NRG1: variants seen among roughly 807,000 people sequenced by gnomAD.
The protein encoded by NRG1 is neuregulin 1.
In NRG1, 18 loss-of-function variants were observed where a neutral mutation model predicts 63.8. That is an observed-to-expected ratio of 0.28 (90% CI 0.19 to 0.42). NRG1 has a LOEUF of 0.42. Among genes scored for constraint, NRG1 ranks in the 10% least tolerant of loss-of-function variants. NRG1 has a pLI of 1.00. For missense variants in NRG1, 762 were observed against 814.7 expected, an observed-to-expected ratio of 0.94 and a Z score of 0.79; for synonymous variants, 302 against 301.3, an observed-to-expected ratio of 1.00 and a Z score of -0.02.
chr8:32,616,080 T>C (rs188808383), intron 4 of NRG1, among the ~76,000 whole-genome samples: 146 of 152,254 alleles, frequency 9.6e-4, no homozygotes, highest in African/African-American at 3.3e-3. Flanking sequence ...TTCTGGCTGT[T>C]GACTTTCAAT....
At chr8:32,228,545 T>A (rs555631291) in intron 1 of NRG1, among the ~76,000 whole-genome samples, 1 of 152,272 alleles carries the variant, frequency 6.6e-6, no homozygotes, top group South Asian at 2.1e-4. Flanking sequence ...CATTTATTAG[T>A]TTTTTAATTT....
chr8:32,174,052 A>G (rs1024228854), intron 1 of NRG1, among the ~76,000 whole-genome samples: 16 of 152,208 alleles, frequency 1.1e-4, no homozygotes, highest in Admixed American at 3.9e-4. Flanking sequence ...TCTCAGCACC[A>G]CACCACACCT....
intron 1 of NRG1, chr8:31,639,867 A>T: frequency 9.1e-7 from 1 of 1,103,506 alleles, no homozygotes; most frequent in Non-Finnish European, 1.1e-6. Context: ...AAATAAAAGG[A>T]GGAGGGCAAG....
At chr8:32,704,227 A>G (rs527683351) in intron 5 of NRG1, among the ~76,000 whole-genome samples, 1 of 152,350 alleles carries the variant, frequency 6.6e-6, no homozygotes, top group African/African-American at 2.4e-5. Context: ...GGAGGGACAT[A>G]TTAAGTAAAA....
intron 1 of NRG1, among the ~76,000 whole-genome samples, chr8:32,127,605 A>G (rs879198811): frequency 3.3e-5 from 5 of 151,062 alleles, no homozygotes; most frequent in African/African-American, 1.2e-4. Context: ...CCATAGAGGG[A>G]AGACTGCATT....
intron 1 of NRG1, among the ~76,000 whole-genome samples, chr8:32,047,549 A>G (rs1323247113): frequency 6.6e-6 from 1 of 152,028 alleles, no homozygotes; most frequent in Admixed American, 6.6e-5. Flanking sequence ...TTTCCTATTA[A>G]GGAAATTTGT....
chr8:32,746,872 T>C (rs1380894324), intron 7 of NRG1, among the ~76,000 whole-genome samples: 1 of 150,848 alleles, frequency 6.6e-6, no homozygotes, highest in Non-Finnish European at 1.5e-5. Flanking sequence ...TTCTGCTTTT[T>C]TTTTTTTTTT....
intron 1 of NRG1, among the ~76,000 whole-genome samples, chr8:32,167,600 G>T (rs1001381864): frequency 6.6e-6 from 1 of 152,126 alleles, no homozygotes; most frequent in Non-Finnish European, 1.5e-5. Flanking sequence ...GGGATATGTG[G>T]CTGGTGCAAT....
chr8:31,946,823 C>T (rs984709475), intron 1 of NRG1, among the ~76,000 whole-genome samples: 1 of 152,108 alleles, frequency 6.6e-6, no homozygotes, highest in African/African-American at 2.4e-5. Flanking sequence ...TACATGGAAG[C>T]CACGATTTCT....
chr8:32,272,646 G>C (rs1362006710), intron 1 of NRG1, among the ~76,000 whole-genome samples: 3 of 152,180 alleles, frequency 2.0e-5, no homozygotes, highest in Non-Finnish European at 4.4e-5. Flanking sequence ...AATCTGGGTT[G>C]CTGGATGCAA....
At chr8:32,527,241 AAGTG>A (rs1830947284) in intron 1 of NRG1, among the ~76,000 whole-genome samples, 1 of 152,198 alleles carries the variant, frequency 6.6e-6, no homozygotes, top group South Asian at 2.1e-4. Context: ...GAATCAACCT[AAGTG>A]TCCATCAATG....
At chr8:31,717,645 T>A (rs1812491768) in intron 1 of NRG1, among the ~76,000 whole-genome samples, 1 of 152,154 alleles carries the variant, frequency 6.6e-6, no homozygotes, top group Non-Finnish European at 1.5e-5. Flanking sequence ...TGCACAGAAC[T>A]CACGGCTTTA....
chr8:31,993,615 T>C (rs1401760899), intron 1 of NRG1, among the ~76,000 whole-genome samples: 4 of 152,036 alleles, frequency 2.6e-5, no homozygotes, highest in African/African-American at 9.7e-5. Flanking sequence ...ATTTTGAATG[T>C]GAGGCCTCCC....
At chr8:32,506,596 C>A (rs1320448305) in intron 1 of NRG1, among the ~76,000 whole-genome samples, 1 of 152,052 alleles carries the variant, frequency 6.6e-6, no homozygotes, top group Non-Finnish European at 1.5e-5. Context: ...GTCGCAATAC[C>A]CAAAGAATTA....
chr8:31,659,879 G>T (rs1412141568), intron 1 of NRG1, among the ~76,000 whole-genome samples: 2 of 152,140 alleles, frequency 1.3e-5, no homozygotes, highest in African/African-American at 4.8e-5. Context: ...TCTCCCTGCT[G>T]ACTTGGGTGT....
chr8:32,235,262 C>G (rs960228594), intron 1 of NRG1, among the ~76,000 whole-genome samples: 36 of 143,712 alleles, frequency 2.5e-4, no homozygotes, highest in African/African-American at 9.0e-4. Flanking sequence ...AAAAAAAGAG[C>G]CGGGCATGAA....
At chr8:31,827,427 C>G (rs1824679667) in intron 1 of NRG1, among the ~76,000 whole-genome samples, 1 of 152,062 alleles carries the variant, frequency 6.6e-6, no homozygotes, top group African/African-American at 2.4e-5. Flanking sequence ...TGATCCTCTC[C>G]TTCTTTCTCT....
chr8:32,485,670 A>AACAC (rs1261540898), intron 1 of NRG1, among the ~76,000 whole-genome samples: 1 of 152,230 alleles, frequency 6.6e-6, no homozygotes, highest in Non-Finnish European at 1.5e-5. Context: ...TTTCATTGAG[A>AACAC]ACACACGTAT....
intron 1 of NRG1, among the ~76,000 whole-genome samples, chr8:32,207,885 T>A (rs1415934325): frequency 6.6e-6 from 1 of 152,202 alleles, no homozygotes; most frequent in Non-Finnish European, 1.5e-5. Flanking sequence ...TACTTAATTA[T>A]ACCAAGTTAA....
Sources: allele counts gnomAD v4.1 joint callset (sites outside exome capture counted in the v4.1 genomes callset), GRCh38; gene constraint gnomAD v4.1.1; transcripts MANE v1.5; gene names NCBI Gene and HGNC (gene_info 2026-07-23, HGNC 2026-07-21).